DLGAP1: variants seen among roughly 807,000 people sequenced by gnomAD.
The protein encoded by DLGAP1 is disks large-associated protein 1.
Under a neutral mutation model 90.8 loss-of-function variants are expected in DLGAP1, and 11 were observed. The observed-to-expected ratio is 0.12, with a 90% CI of 0.08 to 0.20. DLGAP1 has a LOEUF of 0.20. DLGAP1 is among the 10% of genes least tolerant of loss of function. The pLI, the probability that DLGAP1 is intolerant of heterozygous loss-of-function variation, is 1.00. For synonymous variants in DLGAP1, 558 were observed against 540.7 expected (o/e 1.03, Z -0.44); for missense variants, 1,050 against 1,333.8 (o/e 0.79, Z 3.31).
chr18:4,114,611 G>A lies in DLGAP1; in HGVS notation c.-159+36569C>T, dbSNP rs141774094. 4.6e-3 allele frequency among the ~76,000 whole-genome samples: 701 copies of A among 151,816 alleles called. 4 individuals carry two copies. Among genetic ancestry groups the A allele is most frequent in the South Asian group, 0.025 (122 of 4,788 alleles). ...TTAGATGTCTTTTATTTCTTTTTTC[G>A]TGTCTGGTTGCTCTGGGTATGACTT... On this transcript the variant is annotated intron_variant, in intron 2 of 12. Coordinates refer to ENST00000315677, the MANE Select transcript of DLGAP1 (RefSeq NM_004746.4).
chr18:3,742,633 CT>C (rs1436157287), intron 5 of DLGAP1, 121 bp from the exon 6 acceptor site: 14 of 1,167,170 alleles, frequency 1.2e-5, no homozygotes, highest in Non-Finnish European at 1.4e-5. Flanking sequence ...CATAGATGCC[CT>C]TCTGTGATTA....
At chr18:3,603,525 G>T (rs893236503) in intron 7 of DLGAP1, 3 of 152,176 alleles carry the variant, frequency 2.0e-5, no homozygotes, top group Admixed American at 6.5e-5. Context: ...GTCAAGAAAA[G>T]AGGCTCAAGC....
rs1369368408 is a variant in DLGAP1 at position 4,151,241 on chromosome 18, C to A, written c.-220G>T. The A allele has an allele frequency of 6.6e-6, 1 of 151,922 alleles. No individual in the cohort carries two copies. The highest frequency in any genetic ancestry group is 1.5e-5 in the Non-Finnish European group (1 of 67,972). 9.4% of individuals were successfully genotyped at this position (151,922 alleles called of 1,614,324 possible). A position where few individuals can be genotyped will look rare whatever the true frequency, so the allele number is the denominator to read the frequency against. ...GTCAGGAAAAGATCCAAATTGCAGGCTTTTTTTTAACCTGATGTCACTCTG... is the reference window on the plus strand; with the variant it reads ...GTCAGGAAAAGATCCAAATTGCAGGATTTTTTTTAACCTGATGTCACTCTG... On this transcript the variant is annotated 5_prime_UTR_variant, in exon 2 of 13. Transcript: ENST00000315677.
intron 3 of DLGAP1, among the ~76,000 whole-genome samples, chr18:3,922,226 C>T (rs7235276): frequency 0.32 from 48,710 of 152,004 alleles, 9,101 homozygotes; most frequent in Admixed American, 0.42. Context: ...AAAAAAGCTT[C>T]GTTTTAGTTA....
intron 7 of DLGAP1, among the ~76,000 whole-genome samples, chr18:3,641,750 T>G (rs749034598): frequency 4.6e-5 from 7 of 152,224 alleles, no homozygotes; most frequent in Admixed American, 3.3e-4. Context: ...CTTAGCCACA[T>G]AGCAGTCCTG....
intron 2 of DLGAP1, among the ~76,000 whole-genome samples, chr18:4,101,623 G>A (rs1277010137): frequency 1.3e-5 from 2 of 150,206 alleles, no homozygotes; most frequent in African/African-American, 4.9e-5. Context: ...GCATAAAAAA[G>A]TGACGTGCAA....
chr18:3,511,582 G>A (rs1342823308), intron 10 of DLGAP1, among the ~76,000 whole-genome samples: 1 of 151,594 alleles, frequency 6.6e-6, no homozygotes, highest in Non-Finnish European at 1.5e-5. Flanking sequence ...TTGGCTCTCT[G>A]TTTCCATGGG....
At chr18:4,255,819 A>G (rs1237414285) in intron 1 of DLGAP1, among the ~76,000 whole-genome samples, 1 of 151,786 alleles carries the variant, frequency 6.6e-6, no homozygotes, top group African/African-American at 2.4e-5. Flanking sequence ...AAGAGAAAAC[A>G]TATAAAAAAG....
intron 4 of DLGAP1, among the ~76,000 whole-genome samples, chr18:3,862,983 T>C (rs1191648487): frequency 2.6e-5 from 4 of 152,212 alleles, no homozygotes; most frequent in African/African-American, 4.8e-5. Flanking sequence ...ATTACCTTTT[T>C]ATGGCAAAGC....
intron 3 of DLGAP1, among the ~76,000 whole-genome samples, chr18:3,939,278 G>T (rs117382484): frequency 0.016 from 2,404 of 151,840 alleles, 38 homozygotes; most frequent in South Asian, 0.035. Flanking sequence ...AGTTAGCCCT[G>T]TGTGGTGGTG....
At chr18:4,359,415 G>A (rs1485005490) in intron 1 of DLGAP1, among the ~76,000 whole-genome samples, 1 of 152,094 alleles carries the variant, frequency 6.6e-6, no homozygotes, top group African/African-American at 2.4e-5. Flanking sequence ...AAACAAACAG[G>A]CCTTGTACAT....
intron 1 of DLGAP1, among the ~76,000 whole-genome samples, chr18:4,189,947 A>G (rs61689054): frequency 0.046 from 7,054 of 152,166 alleles, 515 homozygotes; most frequent in African/African-American, 0.16. Flanking sequence ...TGTTGATGGG[A>G]ATATAAAATG....
intron 2 of DLGAP1, among the ~76,000 whole-genome samples, chr18:4,105,279 C>T (rs1244536254): frequency 2.6e-5 from 4 of 152,164 alleles, no homozygotes; most frequent in African/African-American, 9.7e-5. Context: ...GTGTTCAAGG[C>T]CACGCTTAGT....
intron 1 of DLGAP1, among the ~76,000 whole-genome samples, chr18:4,436,652 T>C (rs770425117): frequency 1.4e-4 from 21 of 152,166 alleles, no homozygotes; most frequent in Non-Finnish European, 2.5e-4. Flanking sequence ...CTCTAGATGA[T>C]TCAATACATA....
chr18:3,574,866 G>C (rs545174621), intron 8 of DLGAP1, among the ~76,000 whole-genome samples: 39 of 150,706 alleles, frequency 2.6e-4, no homozygotes, highest in Admixed American at 7.3e-4. Flanking sequence ...CCAGGCTGGA[G>C]TGCAGTGGCA....
At chr18:4,242,093 G>A (rs2078548234) in intron 1 of DLGAP1, among the ~76,000 whole-genome samples, 1 of 152,032 alleles carries the variant, frequency 6.6e-6, no homozygotes, top group Non-Finnish European at 1.5e-5. Flanking sequence ...CTTCTCAAAA[G>A]CAGTTCCCCT....
rs749250520 is a variant in DLGAP1, at chr18:3,859,214, G to T, written c.957+19898C>A. Among the ~76,000 whole-genome samples, 20 of 152,160 alleles carry T rather than the reference G, an allele frequency of 1.3e-4. 1 individual carries two copies. The highest frequency in any genetic ancestry group is 6.2e-4 in the South Asian group (3 of 4,820). On this transcript the variant is annotated intron_variant, in intron 4 of 12. Coordinates refer to ENST00000315677, the MANE Select transcript of DLGAP1 (RefSeq NM_004746.4). ...AAAATAATCTAAAAAACACAGAAAT[G>T]GATGGTATTTTCATTTCATCACCAT... is the stretch of plus-strand genomic sequence containing the variant.
At chr18:4,358,489 A>T (rs2081569603) in intron 1 of DLGAP1, among the ~76,000 whole-genome samples, 1 of 152,234 alleles carries the variant, frequency 6.6e-6, no homozygotes, top group Non-Finnish European at 1.5e-5. Flanking sequence ...AGTGAGAGGA[A>T]GTTAGAAAAG....
At chr18:4,201,137 C>A (rs375267390) in intron 1 of DLGAP1, among the ~76,000 whole-genome samples, 2 of 151,970 alleles carry the variant, frequency 1.3e-5, no homozygotes, top group East Asian at 3.9e-4. Flanking sequence ...TGTTCAGAAG[C>A]TTTTTAGTTT....
Sources: gnomAD v4.1 joint callset for allele counts (sites outside exome capture counted in the v4.1 genomes callset) on GRCh38, gnomAD v4.1.1 for gene constraint, MANE v1.5 for transcripts, NCBI Gene and HGNC (gene_info 2026-07-23, HGNC 2026-07-21) for gene names.